The following LINGO2 variants were observed in gnomAD, a reference collection of about 807,000 sequenced individuals.
LINGO2 encodes leucine rich repeat and Ig domain containing 2.
LINGO2 carries 14 observed loss-of-function variants against 30.6 expected under a neutral mutation model. That is an observed-to-expected ratio of 0.46 (90% confidence interval 0.30 to 0.72). The LOEUF (loss-of-function observed/expected upper bound fraction) is 0.72, where lower values mean the gene tolerates loss of function less well. Ranked by LOEUF, LINGO2 falls within the 30% of genes least tolerant of loss-of-function variation. The pLI is 0.07. For synonymous variants in LINGO2, 317 were observed against 288.5 expected (o/e 1.10, Z -1.00); for missense variants, 729 against 751.7 (o/e 0.97, Z 0.35).
At chr9:28,472,298 T>C (rs1007019586) in intron 2 of LINGO2, among the ~76,000 whole-genome samples, 3 of 151,212 alleles carry the variant, frequency 2.0e-5, no homozygotes, top group Non-Finnish European at 4.4e-5. Context: ...TACTTCTTAT[T>C]CCACTAGTGC....
the LINGO2 span, among the ~76,000 whole-genome samples, chr9:28,722,554 G>T: frequency 6.6e-6 from 1 of 152,090 alleles, no homozygotes; most frequent in African/African-American, 2.4e-5. Context: ...GGAGAGGAAG[G>T]AAAGGCCTAT....
chr9:28,609,172 T>TTA (rs1825810318), intron 1 of LINGO2, among the ~76,000 whole-genome samples: 1 of 151,380 alleles, frequency 6.6e-6, no homozygotes, highest in Non-Finnish European at 1.5e-5. Context: ...TTTTTTTTTT[T>TTA]ACAAAACTAT....
intron 3 of LINGO2, among the ~76,000 whole-genome samples, chr9:28,315,487 C>T (rs2134276062): frequency 6.6e-6 from 1 of 151,736 alleles, no homozygotes; most frequent in South Asian, 2.1e-4. Context: ...TAAACTTGTT[C>T]CATGTGCCTC....
At chr9:28,180,902 A>G (rs1013677516) in intron 4 of LINGO2, among the ~76,000 whole-genome samples, 4 of 152,108 alleles carry the variant, frequency 2.6e-5, no homozygotes, top group African/African-American at 9.7e-5. Context: ...ATTGTTCACT[A>G]CTCTAGTTCA....
the LINGO2 span, among the ~76,000 whole-genome samples, chr9:28,929,555 A>G: frequency 6.6e-6 from 1 of 152,132 alleles, no homozygotes; most frequent in Non-Finnish European, 1.5e-5. Context: ...GCCTCAGCAA[A>G]TAGTCCCAGT....
chr9:28,957,587 T>C, the LINGO2 span, among the ~76,000 whole-genome samples: 2 of 152,212 alleles, frequency 1.3e-5, no homozygotes, highest in East Asian at 1.9e-4. Flanking sequence ...TCCATACTTA[T>C]GGATGTCTCA....
chr9:29,078,749 G>A, the LINGO2 span, among the ~76,000 whole-genome samples: 29,961 of 151,708 alleles, frequency 0.2, 3,103 homozygotes, highest in African/African-American at 0.24. Context: ...ATTAAGCCAG[G>A]TGGACAAAAA....
At chr9:28,570,525 C>T (rs1384028458) in intron 1 of LINGO2, among the ~76,000 whole-genome samples, 2 of 150,844 alleles carry the variant, frequency 1.3e-5, no homozygotes. Context: ...AATTTTCTTT[C>T]TGGATATTTG....
At chr9:28,727,531 G>A in the LINGO2 span, among the ~76,000 whole-genome samples, 1 of 152,084 alleles carries the variant, frequency 6.6e-6, no homozygotes, top group African/African-American at 2.4e-5. Flanking sequence ...CTCATGATCT[G>A]CCTGCTTCAG....
intron 4 of LINGO2, among the ~76,000 whole-genome samples, chr9:28,063,654 G>A (rs774391787): frequency 7.1e-4 from 108 of 152,082 alleles, no homozygotes; most frequent in Middle Eastern, 6.8e-3. Flanking sequence ...TTTCCATTTC[G>A]TCGTGTCCTT....
chr9:28,641,159 G>A (rs979530715), intron 1 of LINGO2, among the ~76,000 whole-genome samples: 8 of 151,980 alleles, frequency 5.3e-5, no homozygotes, highest in Non-Finnish European at 1.2e-4. Context: ...TCAGTCTCCC[G>A]AGTAGCTGGG....
intron 4 of LINGO2, among the ~76,000 whole-genome samples, chr9:28,281,914 G>C (rs1168110161): frequency 6.6e-6 from 1 of 152,070 alleles, no homozygotes; most frequent in South Asian, 2.1e-4. Context: ...ACCTGTACCT[G>C]TTTCCAAACA....
At chr9:28,921,303 CCTCCATCCTTTT>C in the LINGO2 span, among the ~76,000 whole-genome samples, 1 of 151,746 alleles carries the variant, frequency 6.6e-6, no homozygotes, top group Non-Finnish European at 1.5e-5. Flanking sequence ...TTTGTGAATC[CCTCCATCCTTTT>C]CTCTCATATC....
At chr9:28,653,918 A>C in intron 1 of LINGO2, among the ~76,000 whole-genome samples, 1 of 152,252 alleles carries the variant, frequency 6.6e-6, no homozygotes, top group East Asian at 1.9e-4. Context: ...CAATCTATGT[A>C]TTATAAAACA....
At chr9:28,069,597 TTA>T (rs765503292) in intron 4 of LINGO2, among the ~76,000 whole-genome samples, 1 of 152,190 alleles carries the variant, frequency 6.6e-6, no homozygotes, top group Non-Finnish European at 1.5e-5. Flanking sequence ...AATGCCTTTC[TTA>T]TACCACTCCA....
chr9:28,034,393 G>A (rs1050294930), intron 4 of LINGO2, among the ~76,000 whole-genome samples: 6 of 152,126 alleles, frequency 3.9e-5, no homozygotes, highest in African/African-American at 7.2e-5. Flanking sequence ...TCTTGCTAGG[G>A]AGCATTTTCT....
intron 2 of LINGO2, among the ~76,000 whole-genome samples, chr9:28,417,280 A>G (rs1823004759): frequency 6.6e-6 from 1 of 152,238 alleles, no homozygotes. Context: ...AGTGGTGTTC[A>G]GTCCCATACT....
the LINGO2 span, among the ~76,000 whole-genome samples, chr9:28,887,882 T>C: frequency 6.6e-6 from 1 of 152,118 alleles, no homozygotes; most frequent in Non-Finnish European, 1.5e-5. Context: ...AAGCTCCAAC[T>C]GGATTTAATT....
the LINGO2 span, among the ~76,000 whole-genome samples, chr9:28,854,378 A>G: frequency 6.6e-6 from 1 of 151,992 alleles, no homozygotes. Context: ...TTAGACAAAT[A>G]TAAGATAATA....
Sources: allele counts gnomAD v4.1 joint callset (sites outside exome capture counted in the v4.1 genomes callset), GRCh38; gene constraint gnomAD v4.1.1; transcripts MANE v1.5; gene names NCBI Gene and HGNC (gene_info 2026-07-23, HGNC 2026-07-21).